The following TENM4 variants were observed in gnomAD, a reference collection of about 807,000 sequenced individuals.
TENM4 encodes the protein teneurin transmembrane protein 4, also known as teneurin-4.
TENM4 carries 82 observed loss-of-function variants against 243.3 expected under a neutral mutation model. That is an observed-to-expected ratio of 0.34 (90% confidence interval 0.28 to 0.40). The LOEUF (loss-of-function observed/expected upper bound fraction) is 0.40, where lower values mean the gene tolerates loss of function less well. TENM4 is among the 10% of genes least tolerant of loss of function. The probability of loss-of-function intolerance (pLI) is 1.00; values close to 1 mark genes in which losing one functional copy is unlikely to be tolerated. For missense variants in TENM4, 3,138 were observed against 3,673.3 expected, an observed-to-expected ratio of 0.85 and a Z score of 3.77; for synonymous variants, 1,412 against 1,456.3, an observed-to-expected ratio of 0.97 and a Z score of 0.69.
intron 19 of TENM4, among the ~76,000 whole-genome samples, chr11:78,753,179 C>A (rs1856229498): frequency 6.6e-6 from 1 of 152,182 alleles, no homozygotes; most frequent in South Asian, 2.1e-4. Context: ...CTATGATATG[C>A]GGCTGCTACA....
chr11:78,708,432 T>A lies in TENM4; in HGVS notation c.4138A>T (p.Thr1380Ser), dbSNP rs746014119. The A allele has an allele frequency of 1.9e-6, 3 of 1,613,872 alleles. No individual in the cohort carries two copies. Among genetic ancestry groups the A allele is most frequent in the Non-Finnish European group, 2.5e-6 (3 of 1,179,900 alleles). Residue 1380 changes from threonine (T) to serine (S), a missense_variant, in exon 27 of 34, where the codon ACC becomes TCC. Around this residue, in one of 2 missense-constraint regions of TENM4, gnomAD observed 2,467 missense variants for 3,059.1 expected, o/e 0.81. Transcript: ENST00000278550. ...GTGAGATCATTAGAGCCGAGCAGGG[T>A]GGAGATGATCCCATTCTGATCGATG... is the stretch of plus-strand genomic sequence containing the variant. ...RRIDQNGIISTLLGSNDLTSA... is the reference protein window; with the variant it reads ...RRIDQNGIISSLLGSNDLTSA...
chr11:78,830,433 G>A (rs914763512), intron 12 of TENM4, among the ~76,000 whole-genome samples: 2 of 152,188 alleles, frequency 1.3e-5, no homozygotes, highest in Non-Finnish European at 2.9e-5. Flanking sequence ...GGAGAAGTGG[G>A]GCTGAGGCTA....
intron 2 of TENM4, among the ~76,000 whole-genome samples, chr11:79,234,669 C>T (rs1262148479): frequency 3.3e-5 from 5 of 152,182 alleles, no homozygotes; most frequent in Admixed American, 3.3e-4. Flanking sequence ...TCTGCTTTCT[C>T]ATTTAAACAC....
chr11:79,270,507 A>T (rs1234845338), intron 2 of TENM4, among the ~76,000 whole-genome samples: 5 of 152,148 alleles, frequency 3.3e-5, no homozygotes, highest in African/African-American at 7.2e-5. Context: ...AACTCCCCAC[A>T]TGGTACCTAA....
intron 1 of TENM4, among the ~76,000 whole-genome samples, chr11:79,414,025 A>C (rs1374198498): frequency 1.3e-5 from 2 of 152,138 alleles, no homozygotes; most frequent in African/African-American, 4.8e-5. Context: ...AGAGTAACAG[A>C]AACACAAGAT....
chr11:78,668,980 G>A lies in TENM4; in HGVS notation c.7365C>T (p.Asn2455=). Residue 2455 remains asparagine (N), a synonymous_variant, in exon 32 of 34, where the codon AAC becomes AAT. Coordinates refer to ENST00000278550, the MANE Select transcript of TENM4 (RefSeq NM_001098816.3). ...MPFNLYMFKN[N]NPISNSQDIK... is the part of the protein sequence containing the mutation. Reference sequence around the variant, plus strand: ...TGTCCTGGGAGTTGCTGATGGGGTTGTTGTTTTTGAACATATAGAGATTAA... The same window carrying A: ...TGTCCTGGGAGTTGCTGATGGGGTTATTGTTTTTGAACATATAGAGATTAA... 1 of 1,613,962 alleles carries A rather than the reference G, an allele frequency of 6.2e-7. No individual in the cohort carries two copies.
At position 78,691,920 on chromosome 11, in the gene TENM4, C is replaced by T. The variant is rs1464639009; in HGVS notation, c.5088-3694G>A. On this transcript the variant is annotated intron_variant, in intron 28 of 33. Coordinates refer to ENST00000278550, the MANE Select transcript of TENM4 (RefSeq NM_001098816.3). The stretch of plus-strand genomic sequence containing the variant: ...GCTTGATTGATACCTGTAATTATCC[C>T]ACCAGAACTGCTCCTTCTGACTGTG... Among the ~76,000 whole-genome samples the T allele has an allele frequency of 2.6e-5, 4 of 152,176 alleles. No homozygotes were observed. In the East Asian group the frequency reaches 7.7e-4, roughly 29 times the overall value.
At position 78,653,007 on chromosome 11, in the gene TENM4, G is replaced by A. The variant is rs1353961993; in HGVS notation, c.*5051C>T. ...TGAACGAGGGCAGCAGTGGGATGGG[G>A]AGCCACGCTGCACTAGTGATGTCAG... On this transcript the variant is annotated 3_prime_UTR_variant, in exon 34 of 34. Transcript: ENST00000278550. 3 of 152,046 alleles carry A rather than the reference G, an allele frequency of 2.0e-5. No individual in the cohort carries two copies. The highest frequency in any genetic ancestry group is 1.3e-4 in the Admixed American group (2 of 15,278). 9.4% of individuals were successfully genotyped at this position (152,046 alleles called of 1,614,324 possible). A position where few individuals can be genotyped will look rare whatever the true frequency, so the allele number is the denominator to read the frequency against.
chr11:79,045,572 C>G (rs1859636429), intron 6 of TENM4, among the ~76,000 whole-genome samples: 1 of 152,178 alleles, frequency 6.6e-6, no homozygotes, highest in Admixed American at 6.5e-5. Flanking sequence ...GTGGAGGGCC[C>G]TGGCCTGGCT....
intron 27 of TENM4, 66 bp from the exon 28 acceptor site, chr11:78,702,469 C>T: frequency 1.9e-6 from 3 of 1,548,758 alleles, no homozygotes; most frequent in Non-Finnish European, 2.6e-6. Context: ...ATCCCATAGC[C>T]CATGTAGCCC....
chr11:78,918,450 TAA>T (rs35213447), intron 6 of TENM4, among the ~76,000 whole-genome samples: 123 of 142,814 alleles, frequency 8.6e-4, no homozygotes, highest in Admixed American at 1.1e-3. Flanking sequence ...CTACTTATGT[TAA>T]AAAAAAAAAA....
intron 1 of TENM4, among the ~76,000 whole-genome samples, chr11:79,341,365 C>T (rs958439451): frequency 2.6e-5 from 4 of 152,194 alleles, no homozygotes; most frequent in Non-Finnish European, 2.9e-5. Context: ...AGCACTTATC[C>T]AGTGCCCTCC....
intron 29 of TENM4, among the ~76,000 whole-genome samples, chr11:78,685,980 AAG>A (rs1858657718): frequency 6.6e-6 from 1 of 152,218 alleles, no homozygotes; most frequent in Admixed American, 6.5e-5. Context: ...CAGGACTCAG[AAG>A]CAGGCCTTAG....
At chr11:79,189,414 TGAA>T (rs1300929471) in intron 3 of TENM4, among the ~76,000 whole-genome samples, 1 of 152,150 alleles carries the variant, frequency 6.6e-6, no homozygotes, top group Non-Finnish European at 1.5e-5. Flanking sequence ...GTTTCTCGAG[TGAA>T]GGAGTATGCT....
At chr11:79,179,155 T>G in intron 3 of TENM4, among the ~76,000 whole-genome samples, 1 of 152,234 alleles carries the variant, frequency 6.6e-6, no homozygotes, top group East Asian at 1.9e-4. Context: ...AGCTATCATA[T>G]GCATCACCTC....
intron 19 of TENM4, among the ~76,000 whole-genome samples, chr11:78,749,509 C>T (rs578030398): frequency 8.1e-4 from 124 of 152,244 alleles, no homozygotes; most frequent in Admixed American, 2.6e-3. Context: ...CTGCTGCTCG[C>T]CCTCTTGAGG....
chr11:79,079,993 G>GA (rs397734050), intron 4 of TENM4, among the ~76,000 whole-genome samples: 1 of 151,414 alleles, frequency 6.6e-6, no homozygotes, highest in Non-Finnish European at 1.5e-5. Context: ...ACCTCAGGGG[G>GA]CTGAAACCTG....
At chr11:79,164,009 AGTATATATATAGTAT>A (rs1862828488) in intron 3 of TENM4, among the ~76,000 whole-genome samples, 1 of 70,610 alleles carries the variant, frequency 1.4e-5, no homozygotes, top group Non-Finnish European at 3.0e-5. Flanking sequence ...TATAGTATAT[AGTATATATATAGTAT>A]GTATATAGTA....
chr11:79,261,663 C>T (rs889810572), intron 2 of TENM4, among the ~76,000 whole-genome samples: 4 of 152,044 alleles, frequency 2.6e-5, no homozygotes, highest in South Asian at 2.1e-4. Flanking sequence ...TTTTGTAGGA[C>T]GTGATGGCTT....
Sources: gnomAD v4.1 joint callset for allele counts (sites outside exome capture counted in the v4.1 genomes callset) on GRCh38, gnomAD v4.1.1 for gene constraint, gnomAD v4.1.1 regional missense constraint, MANE v1.5 for transcripts, NCBI Gene and HGNC (gene_info 2026-07-23, HGNC 2026-07-21) for gene names.